KCNQ1OT1: variants seen among roughly 807,000 people sequenced by gnomAD.
KCNQ1OT1 encodes the protein KCNQ1 antisense RNA 2 (non-protein coding).
exon 1 of KCNQ1OT1, chr11:2,648,214 G>A: frequency 2.5e-6 from 1 of 398,130 alleles, no homozygotes; most frequent in Non-Finnish European, 4.4e-6. Context: ...CGGGGGGTGG[G>A]GGGGAGGCCT....
In KCNQ1OT1 at chr11:2,690,128, G is replaced by C. The variant is rs1055097800; in HGVS notation, n.9867C>G. ...CCGGGGTTAGAACTGGGGGAGCAGG[G>C]ACAAAAAGCGGGCAGCCCTCCCCAG... On this transcript the variant is annotated non_coding_transcript_exon_variant, in exon 1 of 1. Coordinates refer to ENST00000597346, the Ensembl canonical transcript of KCNQ1OT1. This position sits in a 1 kb window ranked among gnomAD's most constrained non-coding sequence, Gnocchi z 5.1. 2.5e-6 allele frequency: 1 copy of C among 398,854 alleles called. No homozygotes were observed. Among genetic ancestry groups the C allele is most frequent in the Non-Finnish European group, 4.4e-6 (1 of 226,352 alleles). The allele number at this position is 398,854 out of a possible 1,614,324, so 24.7% of individuals were successfully genotyped here.
chr11:2,697,420 T>G (rs543758608), exon 1 of KCNQ1OT1: 1 of 398,628 alleles, frequency 2.5e-6, no homozygotes, highest in East Asian at 3.6e-5. Flanking sequence ...GATGACATCC[T>G]TGGCCTACTC....
In KCNQ1OT1 at chr11:2,635,698, GT is replaced by G. The variant is rs922889143; in HGVS notation, n.64296del. The G allele has an allele frequency of 3.7e-3, 561 of 152,212 alleles. 6 individuals carry two copies. The highest frequency in any genetic ancestry group is 0.013 in the African/African-American group (531 of 41,528). 9.4% of individuals were successfully genotyped at this position (152,212 alleles called of 1,614,324 possible). A position where few individuals can be genotyped will look rare whatever the true frequency, so the allele number is the denominator to read the frequency against. On this transcript the variant is annotated non_coding_transcript_exon_variant, in exon 1 of 1. Transcript: ENST00000597346. ...TTGGTTCCATATGAACTTTAAAGTA[GT>G]TTTTTTCCAATTCTGTGAAGAAAGT... is the stretch of plus-strand genomic sequence containing the variant.
rs1308296138 is a variant in KCNQ1OT1, at chr11:2,611,050, A to G, written n.88945T>C. The stretch of plus-strand genomic sequence containing the variant: ...TCTTCATTTCTGACAGTTTTATTTC[A>G]TATACTTCAGGGCTGTGTTTTTAGC... On this transcript the variant is annotated non_coding_transcript_exon_variant, in exon 1 of 1. Coordinates refer to ENST00000597346, the Ensembl canonical transcript of KCNQ1OT1. The surrounding 1 kb of genome is among the most constrained non-coding windows in gnomAD (Gnocchi z 5.3). 7.5e-6 allele frequency: 3 copies of G among 398,242 alleles called. No individual in the cohort carries two copies. Among genetic ancestry groups the G allele is most frequent in the Non-Finnish European group, 1.3e-5 (3 of 225,976 alleles). The allele number at this position is 398,242 out of a possible 1,614,324, so 24.7% of individuals were successfully genotyped here.
At chr11:2,640,097 C>T in exon 1 of KCNQ1OT1, 1 of 261,786 alleles carries the variant, frequency 3.8e-6, no homozygotes, top group Non-Finnish European at 7.1e-6. Flanking sequence ...TTTCCAGGTG[C>T]CGTCTGTCAC....
At position 2,621,482 on chromosome 11, in the gene KCNQ1OT1, T is replaced by C. The variant is rs987147915; in HGVS notation, n.78513A>G. 7.0e-5 allele frequency: 28 copies of C among 398,474 alleles called. 1 individual carries two copies. Among genetic ancestry groups the C allele is most frequent in the African/African-American group, 5.8e-4 (28 of 48,620 alleles). The allele number at this position is 398,474 out of a possible 1,614,324, so 24.7% of individuals were successfully genotyped here. ...ATGAATAGTTTGCAAATATTTTTTC[T>C]CCCATTCTATATGTTGTCTGTTTAC... On this transcript the variant is annotated non_coding_transcript_exon_variant, in exon 1 of 1. Coordinates refer to ENST00000597346, the Ensembl canonical transcript of KCNQ1OT1. The surrounding 1 kb of genome is among the most constrained non-coding windows in gnomAD (Gnocchi z 5.7).
Position 2,623,936 on chromosome 11 carries a change from T to G in KCNQ1OT1, n.76059A>C, listed in dbSNP as rs536526462. ...TATGATAATTCCATTTTTAATTCTT[T>G]GAAGAACCACCAAACTCTTCTCCAC... On this transcript the variant is annotated non_coding_transcript_exon_variant, in exon 1 of 1. Coordinates refer to ENST00000597346, the Ensembl canonical transcript of KCNQ1OT1. The surrounding 1 kb of genome is among the most constrained non-coding windows in gnomAD (Gnocchi z 5.2). The G allele has an allele frequency of 1.5e-5, 6 of 398,654 alleles. No homozygotes were observed. The South Asian group carries it at 7.6e-4, about 51-fold the overall frequency. 24.7% of individuals were successfully genotyped at this position (398,654 alleles called of 1,614,324 possible).
exon 1 of KCNQ1OT1, chr11:2,628,840 C>T: frequency 2.5e-6 from 1 of 398,236 alleles, no homozygotes; most frequent in East Asian, 3.6e-5. Flanking sequence ...TGTGGATATC[C>T]TGGTTTCACA....
chr11:2,686,030 G>A (rs1036393238), exon 1 of KCNQ1OT1: 10 of 399,088 alleles, frequency 2.5e-5, no homozygotes, highest in Non-Finnish European at 4.0e-5. Flanking sequence ...TCTAAGCCCC[G>A]CCAGCTCGCA....
exon 1 of KCNQ1OT1, chr11:2,619,088 G>A: frequency 2.5e-6 from 1 of 398,258 alleles, no homozygotes; most frequent in Non-Finnish European, 4.4e-6. Context: ...GAGTCTTCGG[G>A]GTTTTCTATA....
rs1335092563 is a variant in KCNQ1OT1 at position 2,690,983 on chromosome 11, A to G, written n.9012T>C. The G allele has an allele frequency of 5.0e-6, 2 of 398,582 alleles. No homozygotes were observed. The highest frequency in any genetic ancestry group is 4.1e-5 in the African/African-American group (2 of 48,654). The allele number at this position is 398,582 out of a possible 1,614,324, so 24.7% of individuals were successfully genotyped here. On this transcript the variant is annotated non_coding_transcript_exon_variant, in exon 1 of 1. Coordinates refer to ENST00000597346, the Ensembl canonical transcript of KCNQ1OT1. This position sits in a 1 kb window ranked among gnomAD's most constrained non-coding sequence, Gnocchi z 5.1. ...GGGTATGTGTCAACAAAAGCCCACC[A>G]GACCATCAATGAAGTGGGCAAAAGC...
At chr11:2,639,837 C>T (rs1356867388) in exon 1 of KCNQ1OT1, 1 of 152,642 alleles carries the variant, frequency 6.6e-6, no homozygotes, top group Non-Finnish European at 1.5e-5. Flanking sequence ...AGGCAGGCCT[C>T]CTTGAGCTGT....
At chr11:2,628,266 G>A in exon 1 of KCNQ1OT1, 1 of 398,464 alleles carries the variant, frequency 2.5e-6, no homozygotes. Flanking sequence ...ATGTATAAGG[G>A]ACACCTTTTC....
exon 1 of KCNQ1OT1, chr11:2,686,195 A>C: frequency 2.5e-6 from 1 of 398,870 alleles, no homozygotes; most frequent in Non-Finnish European, 4.4e-6. Context: ...CATCCTGCCC[A>C]AAACCCTGCT....
At chr11:2,648,786 T>A (rs1849707039) in exon 1 of KCNQ1OT1, 1 of 398,530 alleles carries the variant, frequency 2.5e-6, no homozygotes, top group South Asian at 1.3e-4. Flanking sequence ...AAATGAATTG[T>A]CCAATGCTGA....
rs1322301706 is a variant in KCNQ1OT1, at chr11:2,667,321, AG to A, written n.32673del. Reference sequence around the variant, plus strand: ...GCACTGTCTAGGTGGATGGCCCAGAAGAAAGCAGTGAGGCTTCTCATTTCCT... The same window carrying A: ...GCACTGTCTAGGTGGATGGCCCAGAAAAAGCAGTGAGGCTTCTCATTTCCT... On this transcript the variant is annotated non_coding_transcript_exon_variant, in exon 1 of 1. Transcript: ENST00000597346. 1.5e-5 allele frequency: 6 copies of A among 398,652 alleles called. No individual in the cohort carries two copies. The East Asian group carries it at 2.1e-4, about 14-fold the overall frequency. 24.7% of individuals were successfully genotyped at this position (398,652 alleles called of 1,614,324 possible). A position where few individuals can be genotyped will look rare whatever the true frequency, so the allele number is the denominator to read the frequency against.
At chr11:2,667,092 A>G (rs1850087941) in exon 1 of KCNQ1OT1, 1 of 398,516 alleles carries the variant, frequency 2.5e-6, no homozygotes, top group South Asian at 1.3e-4. Flanking sequence ...TGTTCTTCTA[A>G]TTAAATTAAA....
Position 2,648,987 on chromosome 11 carries a change from T to TC in KCNQ1OT1, n.51007_51008insG, listed in dbSNP as rs202108554. 400 of 269,952 alleles carry TC rather than the reference T, an allele frequency of 1.5e-3. 1 individual carries two copies. The highest frequency in any genetic ancestry group is 3.8e-3 in the African/African-American group (167 of 43,956). The allele number at this position is 269,952 out of a possible 1,614,324, so 16.7% of individuals were successfully genotyped here. On this transcript the variant is annotated non_coding_transcript_exon_variant, in exon 1 of 1. Coordinates refer to ENST00000597346, the Ensembl canonical transcript of KCNQ1OT1. ...TTGTCTCTTTTTTCTTTTTCTTTTTTTTTTTTTTTTTTTTTTTGACTCAGT... is the reference window on the plus strand; with the variant it reads ...TTGTCTCTTTTTTCTTTTTCTTTTTTCTTTTTTTTTTTTTTTTTGACTCAGT...
exon 1 of KCNQ1OT1, chr11:2,629,103 A>AT (rs149468188): frequency 8.3e-5 from 33 of 397,780 alleles, no homozygotes; most frequent in South Asian, 3.8e-4. Context: ...AAATTTTAGG[A>AT]TTTTTTTTGT....
Sources: gnomAD v4.1 joint callset for allele counts on GRCh38, gnomAD v4.1.1 for gene constraint, Gnocchi (gnomAD v3.1) non-coding constraint, MANE v1.5 for transcripts, NCBI Gene and HGNC (gene_info 2026-07-23, HGNC 2026-07-21) for gene names.